ZFPM1: variants seen among roughly 807,000 people sequenced by gnomAD.
ZFPM1 encodes zinc finger protein ZFPM1.
A neutral mutation model predicts 46.3 loss-of-function variants in ZFPM1; 28 were observed. That is an observed-to-expected ratio of 0.60 (90% CI 0.45 to 0.83). ZFPM1 has a LOEUF of 0.83. Among genes scored for constraint, ZFPM1 ranks in the 40% least tolerant of loss-of-function variants. ZFPM1 has a pLI of 0.00. For missense variants in ZFPM1, 1,878 were observed against 1,432.4 expected (o/e 1.31, Z -5.02); for synonymous variants, 957 against 675.9 (o/e 1.42, Z -6.45).
At chr16:88,501,087 C>A (rs755905842) in intron 3 of ZFPM1, among the ~76,000 whole-genome samples, 2,649 of 138,418 alleles carry the variant, frequency 0.019, 29 homozygotes, top group Middle Eastern at 0.05. Flanking sequence ...TGCGGGGGCC[C>A]TCCCGCAGGT....
chr16:88,494,060 C>T (rs886801298), intron 3 of ZFPM1, among the ~76,000 whole-genome samples: 11 of 152,186 alleles, frequency 7.2e-5, no homozygotes, highest in Non-Finnish European at 1.6e-4. Flanking sequence ...GAAGCCTCCA[C>T]GAGGAGGGGG....
chr16:88,523,585 G>GCTGTGCTCAC (rs1312378167), intron 4 of ZFPM1, among the ~76,000 whole-genome samples: 2 of 152,210 alleles, frequency 1.3e-5, no homozygotes, highest in Non-Finnish European at 2.9e-5. Flanking sequence ...CCCAGGCGAG[G>GCTGTGCTCAC]CTGTGCTCAC....
intron 4 of ZFPM1, among the ~76,000 whole-genome samples, chr16:88,525,144 C>G (rs902231116): frequency 9.9e-5 from 15 of 152,234 alleles, no homozygotes; most frequent in Non-Finnish European, 2.2e-4. Context: ...GCAGGGGTGG[C>G]CCAGAGGGGT....
chr16:88,511,464 C>T (rs1174800877), intron 3 of ZFPM1, among the ~76,000 whole-genome samples: 1 of 151,890 alleles, frequency 6.6e-6, no homozygotes, highest in African/African-American at 2.4e-5. Flanking sequence ...TTTAAAAAAA[C>T]AACTGCCTGT....
chr16:88,478,515 G>T (rs766018610), intron 1 of ZFPM1, among the ~76,000 whole-genome samples: 1 of 152,256 alleles, frequency 6.6e-6, no homozygotes, highest in Non-Finnish European at 1.5e-5. Flanking sequence ...GTAAGGGGTC[G>T]CTGTCACGGT....
At chr16:88,476,167 CCACCCCAGGG>C (rs1908673683) in intron 1 of ZFPM1, among the ~76,000 whole-genome samples, 1 of 152,088 alleles carries the variant, frequency 6.6e-6, no homozygotes, top group Admixed American at 6.5e-5. Context: ...CCTGGCTCAC[CCACCCCAGGG>C]TGAGCAGGCT....
At chr16:88,522,620 G>A (rs1051280619) in intron 4 of ZFPM1, among the ~76,000 whole-genome samples, 11 of 152,222 alleles carry the variant, frequency 7.2e-5, no homozygotes, top group African/African-American at 1.7e-4. Context: ...CGGTGCCACC[G>A]CAGAATCAAG....
chr16:88,506,711 G>A (rs571624756), intron 3 of ZFPM1, among the ~76,000 whole-genome samples: 7 of 152,134 alleles, frequency 4.6e-5, no homozygotes, highest in South Asian at 4.1e-4. Context: ...GCTCCTCTGC[G>A]CCTCTCCCAG....
At chr16:88,468,168 A>C (rs1466966892) in intron 1 of ZFPM1, among the ~76,000 whole-genome samples, 7 of 78,192 alleles carry the variant, frequency 9.0e-5, no homozygotes, top group Admixed American at 6.5e-4. Flanking sequence ...GCGAGCCCAC[A>C]GGCCCTGACG....
At chr16:88,463,052 T>G (rs1907971594) in intron 1 of ZFPM1, among the ~76,000 whole-genome samples, 1 of 152,162 alleles carries the variant, frequency 6.6e-6, no homozygotes, top group Non-Finnish European at 1.5e-5. Flanking sequence ...CCCACTTCCT[T>G]CTGGGCACCT....
chr16:88,500,219 G>A (rs937836460), intron 3 of ZFPM1, among the ~76,000 whole-genome samples: 8 of 151,718 alleles, frequency 5.3e-5, no homozygotes, highest in Admixed American at 1.3e-4. Flanking sequence ...AGAGTCACCT[G>A]GGCGAGCCCC....
At chr16:88,516,694 C>G (rs1044872570) in intron 4 of ZFPM1, 2 of 398,154 alleles carry the variant, frequency 5.0e-6, no homozygotes, top group African/African-American at 4.1e-5. Context: ...GCCCCTGTCG[C>G]TCTTGGCTGA....
Position 88,460,965 on chromosome 16 carries a change from C to T in ZFPM1, c.40+7287C>T, listed in dbSNP as rs190239422. ...GATGACCGAGGGGCGGGGCGGGAGGCCTGGTGAGGACCGAGGGGAGGGGCG... is the reference window on the plus strand; with the variant it reads ...GATGACCGAGGGGCGGGGCGGGAGGTCTGGTGAGGACCGAGGGGAGGGGCG... On this transcript the variant is annotated intron_variant, in intron 1 of 9. Coordinates refer to ENST00000319555, the MANE Select transcript of ZFPM1 (RefSeq NM_153813.3). Among the ~76,000 whole-genome samples, 18 of 20,294 alleles carry T rather than the reference C, an allele frequency of 8.9e-4. 1 individual carries two copies. Among genetic ancestry groups the T allele is most frequent in the African/African-American group, 3.6e-3 (14 of 3,926 alleles). 13.3% of individuals were successfully genotyped at this position (20,294 alleles called of 152,430 possible).
intron 4 of ZFPM1, among the ~76,000 whole-genome samples, chr16:88,523,509 C>T (rs1009971921): frequency 6.6e-6 from 1 of 152,182 alleles, no homozygotes; most frequent in Non-Finnish European, 1.5e-5. Flanking sequence ...CCACTTGGCA[C>T]CGGGCAAGAC....
intron 1 of ZFPM1, among the ~76,000 whole-genome samples, chr16:88,455,632 C>G (rs1054826279): frequency 3.3e-5 from 5 of 152,008 alleles, no homozygotes; most frequent in African/African-American, 4.8e-5. Flanking sequence ...GCCCACCCCC[C>G]ACCCGCGCCC....
chr16:88,532,269 T>TG, intron 7 of ZFPM1, 34 bp downstream of exon 7: 2 of 1,546,364 alleles, frequency 1.3e-6, no homozygotes, highest in Non-Finnish European at 1.8e-6. Flanking sequence ...GTCCTCAGGA[T>TG]GCCGGCTGCT....
chr16:88,453,662 C>T lies in ZFPM1; in HGVS notation c.24C>T (p.Asn8=), dbSNP rs113752529. The change falls in exon 1 of 10, where the codon AAC becomes AAT. Residue 8 remains asparagine, a synonymous_variant. Transcript: ENST00000319555. MSRRKQS[N]PRQIKRSLGD... The stretch of plus-strand genomic sequence containing the variant: ...ACATGTCCAGGCGGAAACAGAGCAA[C>T]CCCCGGCAGATCAAGCGTGAGTCAA... The T allele has an allele frequency of 0.05, 59,975 of 1,197,832 alleles. 1,792 individuals are homozygous for T. The highest frequency in any genetic ancestry group is 0.079 in the South Asian group (4,354 of 54,912). The allele number at this position is 1,197,832 out of a possible 1,614,324, so 74.2% of individuals were successfully genotyped here. A position where few individuals can be genotyped will look rare whatever the true frequency, so the allele number is the denominator to read the frequency against.
chr16:88,493,327 TTGTCCCGGGGTGGGGAGACC>T (rs1567537590), intron 3 of ZFPM1, among the ~76,000 whole-genome samples: 9 of 68,998 alleles, frequency 1.3e-4, no homozygotes, highest in South Asian at 5.1e-4. Flanking sequence ...GTGTGGGAAA[TTGTCCCGGGGTGGGGAGACC>T]TGTCCCGGGG....
At chr16:88,463,618 G>A (rs1042657598) in intron 1 of ZFPM1, among the ~76,000 whole-genome samples, 5 of 152,262 alleles carry the variant, frequency 3.3e-5, no homozygotes, top group African/African-American at 1.2e-4. Context: ...CGCTTAGAGA[G>A]TTTCAAGGTC....
Sources: allele counts gnomAD v4.1 joint callset (sites outside exome capture counted in the v4.1 genomes callset), GRCh38; gene constraint gnomAD v4.1.1; transcripts MANE v1.5; gene names NCBI Gene and HGNC (gene_info 2026-07-23, HGNC 2026-07-21).